RHOT1: variants seen among roughly 807,000 people sequenced by gnomAD.
RHOT1 encodes the protein ras homolog family member T1.
Under a neutral mutation model 95.3 loss-of-function variants are expected in RHOT1, and 27 were observed. The ratio of observed to expected loss-of-function variants is 0.28; its 90% confidence interval spans 0.21 to 0.39. RHOT1 has a LOEUF of 0.39. Ranked by LOEUF, RHOT1 falls within the 10% of genes least tolerant of loss-of-function variation. The pLI, the probability that RHOT1 is intolerant of heterozygous loss-of-function variation, is 1.00. For missense variants in RHOT1, 578 were observed against 786.7 expected (o/e 0.73, Z 3.17); for synonymous variants, 227 against 263.5 (o/e 0.86, Z 1.34).
chr17:32,225,468 TAGTTTAA>T lies in RHOT1; in HGVS notation c.*737_*743del, dbSNP rs2039072746. 6.6e-6 allele frequency: 1 copy of T among 152,542 alleles called. No individual in the cohort carries two copies. The highest frequency in any genetic ancestry group is 6.6e-5 in the Admixed American group (1 of 15,252). The allele number at this position is 152,542 out of a possible 1,614,324, so 9.4% of individuals were successfully genotyped here. ...AAAATTTGTATATTACCAATGTTTT[TAGTTTAA>T]ATAAAGAGTCACCCTTACTACTGTT... On this transcript the variant is annotated 3_prime_UTR_variant, in exon 20 of 20. Transcript: ENST00000545287.
intron 2 of RHOT1, among the ~76,000 whole-genome samples, chr17:32,172,441 A>T (rs962633179): frequency 1.3e-5 from 2 of 152,294 alleles, no homozygotes; most frequent in East Asian, 1.9e-4. Flanking sequence ...TTGGTTTTTT[A>T]AAATTTAGTT....
intron 1 of RHOT1, 118 bp from the exon 2 acceptor site, chr17:32,170,925 A>T: frequency 1.7e-6 from 1 of 587,106 alleles, no homozygotes; most frequent in South Asian, 2.4e-5. Context: ...ACTAAAACTT[A>T]ATAATTTGGA....
At chr17:32,143,362 A>G (rs767423450) in intron 1 of RHOT1, among the ~76,000 whole-genome samples, 7 of 152,194 alleles carry the variant, frequency 4.6e-5, no homozygotes, top group Non-Finnish European at 1.0e-4. Context: ...TGTACTTTGC[A>G]TTGGACTAAC....
chr17:32,205,666 G>A (rs894768674), intron 16 of RHOT1, among the ~76,000 whole-genome samples: 1 of 152,206 alleles, frequency 6.6e-6, no homozygotes, highest in Non-Finnish European at 1.5e-5. Flanking sequence ...TGGGCCAGGT[G>A]TGGTGGCTCA....
At chr17:32,176,497 A>G (rs1480681285) in intron 6 of RHOT1, among the ~76,000 whole-genome samples, 1 of 152,030 alleles carries the variant, frequency 6.6e-6, no homozygotes, top group African/African-American at 2.4e-5. Flanking sequence ...TTTGGTCATA[A>G]ATCTTACATT....
intron 3 of RHOT1, among the ~76,000 whole-genome samples, chr17:32,174,798 A>G (rs1228099741): frequency 6.6e-6 from 1 of 152,200 alleles, no homozygotes; most frequent in Non-Finnish European, 1.5e-5. Flanking sequence ...AATTGCAGGC[A>G]CACCCACCCA....
chr17:32,168,684 C>T (rs2034319552), intron 1 of RHOT1, among the ~76,000 whole-genome samples: 1 of 150,636 alleles, frequency 6.6e-6, no homozygotes, highest in African/African-American at 2.4e-5. Flanking sequence ...TGATGCATGG[C>T]TTTAGAGGTC....
In RHOT1 at chr17:32,224,712, A is replaced by G. The variant is rs753842221; in HGVS notation, c.1959A>G (p.Lys653=). 1 of 1,608,320 alleles carries G rather than the reference A, an allele frequency of 6.2e-7. No homozygotes were observed. Reference sequence around the variant, plus strand: ...CAGTTTTGGGCTTTGCTATGTACAAAGCATTATTGAAACAGCGATGATATA... The same window carrying G: ...CAGTTTTGGGCTTTGCTATGTACAAGGCATTATTGAAACAGCGATGATATA... ...VFAVLGFAMY[K]ALLKQR The change falls in exon 20 of 20, where the codon AAA becomes AAG. Residue 653 remains lysine (K), a synonymous_variant. Coordinates refer to ENST00000545287, the MANE Select transcript of RHOT1 (RefSeq NM_001033566.3).
chr17:32,202,660 T>C (rs2037408660), intron 14 of RHOT1, 110 bp from the exon 15 acceptor site: 1 of 722,074 alleles, frequency 1.4e-6, no homozygotes. Flanking sequence ...GATCAGCTAC[T>C]TCATAAAAAT....
At chr17:32,209,649 C>T in intron 18 of RHOT1, 1 of 427,116 alleles carries the variant, frequency 2.3e-6, no homozygotes, top group Non-Finnish European at 4.3e-6. Context: ...ACAGTAACTG[C>T]AAGTGTGTTT....
intron 1 of RHOT1, among the ~76,000 whole-genome samples, chr17:32,149,851 T>C (rs2032066642): frequency 6.6e-6 from 1 of 151,582 alleles, no homozygotes; most frequent in Non-Finnish European, 1.5e-5. Flanking sequence ...TGAGTTCAAG[T>C]GATTCTCTTG....
At chr17:32,192,332 C>CA in intron 9 of RHOT1, 33 bp downstream of exon 9, 1 of 542,666 alleles carries the variant, frequency 1.8e-6, no homozygotes, top group South Asian at 2.2e-5. Flanking sequence ...ATTTGCGTAT[C>CA]TTTTTTTTTT....
intron 1 of RHOT1, among the ~76,000 whole-genome samples, chr17:32,164,736 GC>G (rs2033889395): frequency 3.3e-5 from 5 of 150,830 alleles, no homozygotes; most frequent in Admixed American, 2.6e-4. Flanking sequence ...ATATAGTAGT[GC>G]ACACCTGTAG....
chr17:32,192,938 T>C (rs1567701850), intron 9 of RHOT1, among the ~76,000 whole-genome samples, 198 bp from the exon 10 acceptor site: 1 of 152,218 alleles, frequency 6.6e-6, no homozygotes, highest in Non-Finnish European at 1.5e-5. Flanking sequence ...GTGCTGGGAT[T>C]ACAGGCGTGA....
chr17:32,175,079 C>G (rs1413135270), intron 3 of RHOT1, among the ~76,000 whole-genome samples: 1 of 152,162 alleles, frequency 6.6e-6, no homozygotes, highest in African/African-American at 2.4e-5. Context: ...AGATGCTGGC[C>G]TAGATTTATT....
At position 32,176,166 on chromosome 17, in the gene RHOT1, A is replaced by G; in HGVS notation, c.282A>G (p.Thr94=). 1 of 1,611,742 alleles carries G rather than the reference A, an allele frequency of 6.2e-7. No individual in the cohort carries two copies. Among genetic ancestry groups the G allele is most frequent in the East Asian group, 2.2e-5 (1 of 44,802 alleles). The part of the protein sequence containing the change: ...VNNKHSIDKV[T]SRWIPLINER... Reference sequence around the variant, plus strand: ...CTTGTTAATTTTCATTTTAGGTAACAAGTCGATGGATTCCTCTCATAAATG... The same window carrying G: ...CTTGTTAATTTTCATTTTAGGTAACGAGTCGATGGATTCCTCTCATAAATG... Residue 94 remains threonine, a synonymous_variant, in exon 6 of 20, where the codon ACA becomes ACG. Transcript: ENST00000545287.
intron 6 of RHOT1, among the ~76,000 whole-genome samples, chr17:32,178,513 G>A (rs931241993): frequency 1.3e-5 from 2 of 152,170 alleles, no homozygotes; most frequent in Non-Finnish European, 2.9e-5. Flanking sequence ...CCAGGCCGGA[G>A]TGCAGTGGTG....
At chr17:32,187,466 G>A (rs923336655) in intron 8 of RHOT1, among the ~76,000 whole-genome samples, 2 of 152,054 alleles carry the variant, frequency 1.3e-5, no homozygotes, top group Non-Finnish European at 2.9e-5. Context: ...TTGTTTTTAA[G>A]AATAAAAAGT....
At chr17:32,193,924 A>G (rs1349830166) in intron 10 of RHOT1, 63 bp from the exon 11 acceptor site, 3 of 1,569,506 alleles carry the variant, frequency 1.9e-6, no homozygotes, top group African/African-American at 1.4e-5. Flanking sequence ...TCTTGCCATT[A>G]TGTTACATGC....
Sources: gnomAD v4.1 joint callset for allele counts (sites outside exome capture counted in the v4.1 genomes callset) on GRCh38, gnomAD v4.1.1 for gene constraint, MANE v1.5 for transcripts, NCBI Gene and HGNC (gene_info 2026-07-23, HGNC 2026-07-21) for gene names.